Variants in CERS6 observed in about 807,000 individuals in gnomAD.
CERS6 encodes LAG1 homolog, ceramide synthase 6.
CERS6 carries 26 observed loss-of-function variants against 56.8 expected under a neutral mutation model. The observed-to-expected ratio is 0.46, with a 90% CI of 0.34 to 0.63. CERS6 has a LOEUF of 0.63. CERS6 is among the 30% of genes least tolerant of loss of function. CERS6 has a pLI of 0.01. For missense variants in CERS6, 415 were observed against 467.5 expected (o/e 0.89, Z 1.04); for synonymous variants, 164 against 173.3 (o/e 0.95, Z 0.42).
intron 3 of CERS6, among the ~76,000 whole-genome samples, chr2:168,572,286 G>A (rs1451537969): frequency 3.3e-5 from 5 of 152,144 alleles, no homozygotes; most frequent in Admixed American, 1.3e-4. Flanking sequence ...TGAGAAGGGA[G>A]GGGAAAGAAG....
At chr2:168,487,263 A>C (rs1167324235) in intron 1 of CERS6, among the ~76,000 whole-genome samples, 1 of 152,180 alleles carries the variant, frequency 6.6e-6, no homozygotes, top group Non-Finnish European at 1.5e-5. Flanking sequence ...CTATAACTGC[A>C]GTTTTCATTG....
intron 4 of CERS6, among the ~76,000 whole-genome samples, chr2:168,637,968 T>C (rs1266413786): frequency 2.0e-5 from 3 of 151,932 alleles, no homozygotes; most frequent in African/African-American, 7.3e-5. Flanking sequence ...ACCTAGGTCA[T>C]AAAAGAACAT....
intron 8 of CERS6, among the ~76,000 whole-genome samples, chr2:168,728,949 G>A (rs1360497676): frequency 6.7e-6 from 1 of 149,034 alleles, no homozygotes; most frequent in Non-Finnish European, 1.5e-5. Flanking sequence ...TGCGGAGGTT[G>A]CAGTGAGCCA....
rs75096535 is a variant in CERS6 at position 168,724,948 on chromosome 2, G to A, written c.845+6970G>A. Among the ~76,000 whole-genome samples, 1,402 of 152,314 alleles carry A rather than the reference G, an allele frequency of 9.2e-3. 70 individuals are homozygous for A. In the East Asian group the frequency reaches 0.15, roughly 16 times the overall value. ...TGGGACTGGGCGCCGTGGAGCAGGG[G>A]GTGGCACTCGTCGTGGAGGCTCCGT... On this transcript the variant is annotated intron_variant, in intron 8 of 9. Coordinates refer to ENST00000305747, the MANE Select transcript of CERS6 (RefSeq NM_203463.3).
intron 1 of CERS6, among the ~76,000 whole-genome samples, chr2:168,537,806 A>G (rs1226658198): frequency 2.6e-5 from 4 of 152,304 alleles, no homozygotes; most frequent in South Asian, 2.1e-4. Context: ...ACTTCATACT[A>G]GCATATCCAA....
At chr2:168,674,172 G>C (rs1442583176) in intron 4 of CERS6, among the ~76,000 whole-genome samples, 5 of 152,230 alleles carry the variant, frequency 3.3e-5, no homozygotes, top group African/African-American at 9.6e-5. Context: ...TTTTGAGAGA[G>C]AGAGAGTTGG....
At chr2:168,660,319 C>T (rs1413655799) in intron 4 of CERS6, among the ~76,000 whole-genome samples, 3 of 152,158 alleles carry the variant, frequency 2.0e-5, no homozygotes, top group South Asian at 4.1e-4. Flanking sequence ...TCTAGAGAAA[C>T]GTCTCACCTT....
chr2:168,578,035 G>A (rs979563738), intron 3 of CERS6, among the ~76,000 whole-genome samples: 2 of 152,174 alleles, frequency 1.3e-5, no homozygotes, highest in Non-Finnish European at 2.9e-5. Context: ...ACTTCACAGT[G>A]TGATGAATCA....
At chr2:168,613,935 G>T (rs1334381500) in intron 3 of CERS6, among the ~76,000 whole-genome samples, 1 of 152,228 alleles carries the variant, frequency 6.6e-6, no homozygotes, top group African/African-American at 2.4e-5. Flanking sequence ...CTTGCAATCA[G>T]CATGCAGCTC....
intron 4 of CERS6, among the ~76,000 whole-genome samples, chr2:168,659,981 T>G (rs1370042470): frequency 6.6e-6 from 1 of 152,154 alleles, no homozygotes; most frequent in Non-Finnish European, 1.5e-5. Context: ...AGGAGAAAAT[T>G]CAAATGGAAT....
intron 1 of CERS6, among the ~76,000 whole-genome samples, chr2:168,485,187 G>A (rs1694254233): frequency 6.7e-6 from 1 of 149,626 alleles, no homozygotes; most frequent in Non-Finnish European, 1.5e-5. Flanking sequence ...TTTTTAAGAA[G>A]AGTTAATAGA....
intron 4 of CERS6, among the ~76,000 whole-genome samples, chr2:168,655,690 A>C (rs558734497): frequency 6.6e-6 from 1 of 152,368 alleles, no homozygotes; most frequent in East Asian, 1.9e-4. Flanking sequence ...AATACAGAGA[A>C]TAAAACAGCA....
At chr2:168,544,655 A>G (rs77458782) in intron 1 of CERS6, among the ~76,000 whole-genome samples, 76 of 152,294 alleles carry the variant, frequency 5.0e-4, no homozygotes, top group Non-Finnish European at 6.5e-4. Context: ...CACTGCTGGT[A>G]TGGACTCACT....
chr2:168,519,076 G>A (rs1323839338), intron 1 of CERS6, among the ~76,000 whole-genome samples: 1 of 152,170 alleles, frequency 6.6e-6, no homozygotes, highest in Non-Finnish European at 1.5e-5. Context: ...TTGTGGAGCA[G>A]TGTTGAGGAT....
At chr2:168,765,876 T>C in intron 9 of CERS6, 128 bp downstream of exon 9, 2 of 822,726 alleles carry the variant, frequency 2.4e-6, no homozygotes, top group South Asian at 2.1e-5. Context: ...GAGCAAAAAT[T>C]GAGTCATTTC....
At chr2:168,754,571 G>A (rs1051369347) in intron 8 of CERS6, among the ~76,000 whole-genome samples, 2 of 152,072 alleles carry the variant, frequency 1.3e-5, no homozygotes, top group African/African-American at 2.4e-5. Flanking sequence ...TAAATAAGAT[G>A]GGTGGAATTT....
At chr2:168,656,970 CAG>C (rs1168165837) in intron 4 of CERS6, among the ~76,000 whole-genome samples, 1 of 152,172 alleles carries the variant, frequency 6.6e-6, no homozygotes, top group African/African-American at 2.4e-5. Context: ...CAGCTAGATA[CAG>C]AGTGTCGATT....
intron 4 of CERS6, among the ~76,000 whole-genome samples, chr2:168,634,822 A>G (rs993880457): frequency 1.3e-5 from 2 of 152,212 alleles, no homozygotes; most frequent in African/African-American, 4.8e-5. Flanking sequence ...AGGGGTCCAT[A>G]GGAGATAGAA....
At chr2:168,678,866 A>G (rs889482734) in intron 4 of CERS6, among the ~76,000 whole-genome samples, 5 of 152,230 alleles carry the variant, frequency 3.3e-5, no homozygotes, top group African/African-American at 1.2e-4. Context: ...CAGTATGTCA[A>G]AGAGATATCT....
Sources: gnomAD v4.1 joint callset for allele counts (sites outside exome capture counted in the v4.1 genomes callset) on GRCh38, gnomAD v4.1.1 for gene constraint, MANE v1.5 for transcripts, NCBI Gene and HGNC (gene_info 2026-07-23, HGNC 2026-07-21) for gene names.